The following MECOM variants were observed in gnomAD, a reference collection of about 807,000 sequenced individuals.
The protein encoded by MECOM is histone-lysine N-methyltransferase MECOM.
Under a neutral mutation model 116.3 loss-of-function variants are expected in MECOM, and 13 were observed. That is an observed-to-expected ratio of 0.11 (90% CI 0.07 to 0.18). The LOEUF is 0.18. MECOM is among the 10% of genes least tolerant of loss of function. The pLI is 1.00. For missense variants in MECOM, 1,299 were observed against 1,509.0 expected, an observed-to-expected ratio of 0.86 and a Z score of 2.31; for synonymous variants, 528 against 535.2, an observed-to-expected ratio of 0.99 and a Z score of 0.19.
chr3:169,429,177 T>A (rs1433805421), intron 1 of MECOM, among the ~76,000 whole-genome samples: 4 of 152,198 alleles, frequency 2.6e-5, no homozygotes, highest in African/African-American at 7.2e-5. Context: ...CTCAGAATAC[T>A]TGATCAGATA....
chr3:169,350,856 T>C (rs1726204868), intron 2 of MECOM, among the ~76,000 whole-genome samples: 1 of 151,784 alleles, frequency 6.6e-6, no homozygotes, highest in African/African-American at 2.4e-5. Flanking sequence ...TGGGGGTCTT[T>C]CATAATAAAA....
rs1215577701 is a variant in MECOM, at chr3:169,333,903, C to T, written c.375+47284G>A. 1.3e-4 allele frequency among the ~76,000 whole-genome samples: 18 copies of T among 135,858 alleles called. No homozygotes were observed. The Admixed American group carries it at 1.3e-3, about 10-fold the overall frequency. The allele number at this position is 135,858 out of a possible 152,430, so 89.1% of individuals were successfully genotyped here. A position where few individuals can be genotyped will look rare whatever the true frequency, so the allele number is the denominator to read the frequency against. On this transcript the variant is annotated intron_variant, in intron 2 of 16. Coordinates refer to ENST00000651503, the MANE Select transcript of MECOM (RefSeq NM_004991.4). ...CTCCTTCCTTCCTTCCTTCCTCCCT[C>T]CCTCCCTCCCTTCCTTCCTTCTTTC...
chr3:169,164,489 G>A (rs552901220), intron 2 of MECOM, among the ~76,000 whole-genome samples: 3 of 152,140 alleles, frequency 2.0e-5, no homozygotes, highest in African/African-American at 7.2e-5. Flanking sequence ...AAAGATACAC[G>A]CGAAAAGGAA....
intron 14 of MECOM, among the ~76,000 whole-genome samples, chr3:169,091,845 A>C (rs941435568): frequency 6.4e-5 from 9 of 140,402 alleles, no homozygotes; most frequent in African/African-American, 2.3e-4. Context: ...AATTACATAA[A>C]ATAATTAATT....
chr3:169,138,183 A>G (rs1182193096), intron 3 of MECOM, among the ~76,000 whole-genome samples: 1 of 152,118 alleles, frequency 6.6e-6, no homozygotes, highest in Non-Finnish European at 1.5e-5. Flanking sequence ...AAATAGTTAC[A>G]GTCTATTGTG....
intron 2 of MECOM, among the ~76,000 whole-genome samples, chr3:169,178,214 T>C (rs145865683): frequency 1.7e-4 from 26 of 152,142 alleles, no homozygotes; most frequent in African/African-American, 5.6e-4. Context: ...CTGAGAGAAA[T>C]TCAGGAACTG....
At chr3:169,170,303 A>G (rs1324081019) in intron 2 of MECOM, among the ~76,000 whole-genome samples, 6 of 146,516 alleles carry the variant, frequency 4.1e-5, no homozygotes, top group African/African-American at 1.5e-4. Flanking sequence ...GCTACTTGGG[A>G]GGCTGAGGCA....
At chr3:169,179,362 C>T in intron 2 of MECOM, among the ~76,000 whole-genome samples, 1 of 152,142 alleles carries the variant, frequency 6.6e-6, no homozygotes, top group East Asian at 1.9e-4. Context: ...ATGGCAAAGC[C>T]AGTCAACAGG....
intron 1 of MECOM, among the ~76,000 whole-genome samples, chr3:169,606,365 A>G (rs1487927312): frequency 1.3e-5 from 2 of 151,438 alleles, no homozygotes; most frequent in Non-Finnish European, 2.9e-5. Context: ...GCAAGCCAAG[A>G]TCACACCTGC....
chr3:169,383,602 T>C (rs1019686415), intron 1 of MECOM, among the ~76,000 whole-genome samples: 1 of 152,224 alleles, frequency 6.6e-6, no homozygotes, highest in Non-Finnish European at 1.5e-5. Context: ...GTCCTTTAAA[T>C]GGGTCTCAAC....
intron 1 of MECOM, among the ~76,000 whole-genome samples, chr3:169,486,986 T>C (rs1752456830): frequency 2.0e-5 from 3 of 152,138 alleles, no homozygotes; most frequent in African/African-American, 7.2e-5. Flanking sequence ...AATCATCAAG[T>C]TCTATTTAGA....
At chr3:169,211,651 G>C (rs573670986) in intron 2 of MECOM, among the ~76,000 whole-genome samples, 1 of 151,976 alleles carries the variant, frequency 6.6e-6, no homozygotes, top group Non-Finnish European at 1.5e-5. Context: ...TTTCTCTCAG[G>C]GTTGTAGTTT....
intron 1 of MECOM, among the ~76,000 whole-genome samples, chr3:169,524,601 A>G (rs534911671): frequency 3.3e-5 from 5 of 152,360 alleles, no homozygotes; most frequent in African/African-American, 9.6e-5. Flanking sequence ...TTGCATTTCA[A>G]GAAACCAAGG....
At chr3:169,608,242 C>T (rs1768828065) in intron 1 of MECOM, among the ~76,000 whole-genome samples, 4 of 152,172 alleles carry the variant, frequency 2.6e-5, no homozygotes, top group Admixed American at 2.0e-4. Flanking sequence ...TGTTTGATCG[C>T]TGAGGCCTGC....
chr3:169,530,961 A>C (rs1383370054), intron 1 of MECOM, among the ~76,000 whole-genome samples: 1 of 152,122 alleles, frequency 6.6e-6, no homozygotes, highest in African/African-American at 2.4e-5. Context: ...AAGATGTAGA[A>C]TTTCGCCATG....
chr3:169,661,445 C>G (rs964952300), intron 1 of MECOM, among the ~76,000 whole-genome samples: 4 of 152,082 alleles, frequency 2.6e-5, no homozygotes, highest in African/African-American at 9.7e-5. Flanking sequence ...ACAGGGAAAA[C>G]AGTTCCACCG....
intron 1 of MECOM, among the ~76,000 whole-genome samples, chr3:169,445,947 T>C (rs1436681407): frequency 6.6e-6 from 1 of 152,186 alleles, no homozygotes; most frequent in Admixed American, 6.5e-5. Context: ...GGCCAGTTTC[T>C]CCCATTTGGA....
At chr3:169,364,366 T>G (rs1728812224) in intron 2 of MECOM, among the ~76,000 whole-genome samples, 1 of 152,004 alleles carries the variant, frequency 6.6e-6, no homozygotes, top group African/African-American at 2.4e-5. Context: ...ACAGGAAAAG[T>G]CTGATAATAT....
At chr3:169,208,353 T>C (rs1230903619) in intron 2 of MECOM, among the ~76,000 whole-genome samples, 1 of 149,732 alleles carries the variant, frequency 6.7e-6, no homozygotes, top group Non-Finnish European at 1.5e-5. Context: ...AAGATTTGGG[T>C]ACATTTATTA....
Sources: allele counts gnomAD v4.1 joint callset (sites outside exome capture counted in the v4.1 genomes callset), GRCh38; gene constraint gnomAD v4.1.1; transcripts MANE v1.5; gene names NCBI Gene and HGNC (gene_info 2026-07-23, HGNC 2026-07-21).